FNDC1: variants seen among roughly 807,000 people sequenced by gnomAD.
FNDC1 encodes fibronectin type III domain-containing protein 1.
FNDC1 carries 96 observed loss-of-function variants against 168.0 expected under a neutral mutation model. The ratio of observed to expected loss-of-function variants is 0.57; its 90% CI spans 0.48 to 0.68. The LOEUF is 0.68. Among genes scored for constraint, FNDC1 ranks in the 30% least tolerant of loss-of-function variants. The pLI is 0.00. For synonymous variants in FNDC1, 1,099 were observed against 1,025.9 expected (o/e 1.07, Z -1.36); for missense variants, 2,587 against 2,482.1 (o/e 1.04, Z -0.90).
intron 2 of FNDC1, among the ~76,000 whole-genome samples, chr6:159,198,618 C>T (rs1021630882): frequency 2.0e-5 from 3 of 152,164 alleles, no homozygotes; most frequent in Admixed American, 1.3e-4. Flanking sequence ...AGATCAAAGG[C>T]GTGAGCAGAT....
chr6:159,237,765 C>A (rs538221771), intron 12 of FNDC1, among the ~76,000 whole-genome samples: 73 of 152,300 alleles, frequency 4.8e-4, no homozygotes, highest in African/African-American at 1.7e-3. Context: ...TGCGGTATAA[C>A]CTTCCATAAT....
rs767898943 is a variant in FNDC1 at position 159,233,916 on chromosome 6, C to T, written c.3404C>T (p.Pro1135Leu). ...TCCCAGCGCGGACATGCGGCCTCCC[C>T]CGCCAGGCCCAGCCGACCCGGCGGC... ...HRSQRGHAAS[P>L]ARPSRPGGPQ... is the part of the protein sequence containing the mutation. The change falls in exon 11 of 23, where the codon CCC (proline) becomes CTC (leucine). Residue 1135 changes from proline to leucine, a missense_variant. By Grantham distance (98) the Pro-to-Leu change is moderately conservative. Transcript: ENST00000297267. This position sits in a 1 kb window ranked among gnomAD's most constrained non-coding sequence, Gnocchi z 4.6. 13 of 1,548,644 alleles carry T rather than the reference C, an allele frequency of 8.4e-6. No individual in the cohort carries two copies. Among genetic ancestry groups the T allele is most frequent in the Admixed American group, 5.9e-5 (3 of 50,888 alleles).
At chr6:159,240,710 AT>A in intron 14 of FNDC1, 1 of 152,266 alleles carries the variant, frequency 6.6e-6, no homozygotes, top group South Asian at 2.1e-4. Context: ...GGAGACCTTT[AT>A]CCAGGTCATC....
chr6:159,271,257 T>G (rs1264126167), intron 22 of FNDC1, 70 bp from the exon 23 acceptor site: 2 of 1,006,038 alleles, frequency 2.0e-6, no homozygotes, highest in Non-Finnish European at 3.1e-6. Flanking sequence ...TGAAGGAGGC[T>G]GTAAGGATGA....
intron 16 of FNDC1, among the ~76,000 whole-genome samples, chr6:159,249,430 T>C (rs550891047): frequency 2.0e-5 from 3 of 152,320 alleles, no homozygotes; most frequent in Non-Finnish European, 2.9e-5. Flanking sequence ...CTGCCTTGCA[T>C]AGACTAAGAG....
rs1371787640 is a variant in FNDC1 at position 159,234,303 on chromosome 6, G to T, written c.3791G>T (p.Arg1264Leu). 2 of 1,606,494 alleles carry T rather than the reference G, an allele frequency of 1.2e-6. No individual in the cohort carries two copies. Among genetic ancestry groups the T allele is most frequent in the African/African-American group, 2.7e-5 (2 of 74,730 alleles). Reference protein sequence around the residue: ...ASHVPSRLPPRSAATVSPVAG... With the variant: ...ASHVPSRLPPLSAATVSPVAG... ...CACGTCCCTTCCCGACTGCCGCCTC[G>T]CAGCGCTGCCACCGTGAGCCCCGTC... The change falls in exon 11 of 23, where the codon CGC becomes CTC. Residue 1264 changes from arginine to leucine, a missense_variant. By Grantham distance (102) the Arg-to-Leu change is moderately radical (BLOSUM62 -2). Transcript: ENST00000297267.
intron 17 of FNDC1, among the ~76,000 whole-genome samples, chr6:159,251,866 T>C (rs1387230008): frequency 6.6e-6 from 1 of 152,192 alleles, no homozygotes; most frequent in Non-Finnish European, 1.5e-5. Flanking sequence ...TAACATCCTA[T>C]AATCTTGCAA....
intron 19 of FNDC1, among the ~76,000 whole-genome samples, chr6:159,263,336 G>T (rs1368405731): frequency 1.3e-5 from 2 of 152,116 alleles, no homozygotes; most frequent in Admixed American, 6.5e-5. Context: ...ATTTTGGCAG[G>T]ATTCCATGAA....
At chr6:159,265,735 C>A (rs1777578300) in intron 20 of FNDC1, among the ~76,000 whole-genome samples, 1 of 152,070 alleles carries the variant, frequency 6.6e-6, no homozygotes, top group Non-Finnish European at 1.5e-5. Flanking sequence ...TGAGACCAGC[C>A]TGACCAATGT....
chr6:159,215,316 C>T (rs746401465), intron 5 of FNDC1, among the ~76,000 whole-genome samples, 165 bp downstream of exon 5: 54 of 152,336 alleles, frequency 3.5e-4, no homozygotes, highest in Non-Finnish European at 5.9e-4. Flanking sequence ...CCATCCTGGA[C>T]GCCATCATTT....
chr6:159,211,078 G>C (rs1450130399), intron 4 of FNDC1, among the ~76,000 whole-genome samples: 2 of 152,138 alleles, frequency 1.3e-5, no homozygotes, highest in Non-Finnish European at 2.9e-5. Context: ...CGTGCAGATT[G>C]GTGTCCACAG....
intron 1 of FNDC1, among the ~76,000 whole-genome samples, chr6:159,171,734 G>T (rs1218698459): frequency 2.6e-5 from 4 of 152,146 alleles, no homozygotes; most frequent in African/African-American, 9.7e-5. Context: ...AATTATGATG[G>T]CCTTGCCAGT....
At position 159,233,803 on chromosome 6, in the gene FNDC1, C is replaced by T. The variant is rs1783170074; in HGVS notation, c.3291C>T (p.Ala1097=). ...EAQDVRAPAH[A]ARAKEAAASL... ...AGGATGTGCGGGCCCCCGCGCACGCCGCGCGCGCCAAGGAGGCAGCTGCGT... is the reference window on the plus strand; with the variant it reads ...AGGATGTGCGGGCCCCCGCGCACGCTGCGCGCGCCAAGGAGGCAGCTGCGT... Residue 1097 remains alanine, a synonymous_variant, in exon 11 of 23, where the codon GCC becomes GCT. Coordinates refer to ENST00000297267, the MANE Select transcript of FNDC1 (RefSeq NM_032532.3). The surrounding 1 kb of genome is among the most constrained non-coding windows in gnomAD (Gnocchi z 4.6). 3 of 1,536,942 alleles carry T rather than the reference C, an allele frequency of 2.0e-6. No individual in the cohort carries two copies. Among genetic ancestry groups the T allele is most frequent in the Admixed American group, 2.1e-5 (1 of 48,584 alleles).
At chr6:159,205,533 T>C (rs1015495796) in intron 4 of FNDC1, among the ~76,000 whole-genome samples, 6 of 152,344 alleles carry the variant, frequency 3.9e-5, no homozygotes, top group African/African-American at 1.4e-4. Context: ...CGGCTCCAGG[T>C]TCAGGCCCTG....
intron 17 of FNDC1, among the ~76,000 whole-genome samples, chr6:159,253,649 TC>T (rs1265112019): frequency 6.6e-6 from 1 of 152,188 alleles, no homozygotes; most frequent in African/African-American, 2.4e-5. Context: ...CTGTAGGAAA[TC>T]ACCAACGTGA....
At chr6:159,250,453 A>T (rs922569236) in intron 16 of FNDC1, among the ~76,000 whole-genome samples, 1 of 152,250 alleles carries the variant, frequency 6.6e-6, no homozygotes, top group Non-Finnish European at 1.5e-5. Context: ...ATCTTCAGAA[A>T]TTGCCAGACA....
intron 1 of FNDC1, among the ~76,000 whole-genome samples, chr6:159,187,592 C>A (rs150025583): frequency 6.6e-6 from 1 of 152,264 alleles, no homozygotes; most frequent in East Asian, 1.9e-4. Context: ...CCAACAGCAG[C>A]CTCCTCGGGG....
chr6:159,215,566 G>C (rs1184765877), intron 5 of FNDC1, among the ~76,000 whole-genome samples: 1 of 152,164 alleles, frequency 6.6e-6, no homozygotes, highest in Non-Finnish European at 1.5e-5. Flanking sequence ...TGCAAGTCAG[G>C]CTTTATTAGG....
chr6:159,229,279 A>G (rs541821574), intron 9 of FNDC1, among the ~76,000 whole-genome samples: 68 of 152,358 alleles, frequency 4.5e-4, no homozygotes, highest in South Asian at 3.5e-3. Flanking sequence ...TATCTTTATC[A>G]GGATATACTA....
Sources: gnomAD v4.1 joint callset for allele counts (sites outside exome capture counted in the v4.1 genomes callset) on GRCh38, gnomAD v4.1.1 for gene constraint, Gnocchi (gnomAD v3.1) non-coding constraint, MANE v1.5 for transcripts, NCBI Gene and HGNC (gene_info 2026-07-23, HGNC 2026-07-21) for gene names.